The following MYO1B variants were observed in gnomAD, a reference collection of about 807,000 sequenced individuals.
MYO1B encodes the protein unconventional myosin-Ib.
A neutral mutation model predicts 159.7 loss-of-function variants in MYO1B; 72 were observed. The ratio of observed to expected loss-of-function variants is 0.45; its 90% confidence interval spans 0.37 to 0.55. The LOEUF is 0.55. MYO1B is among the 20% of genes least tolerant of loss of function. The pLI, the probability that MYO1B is intolerant of heterozygous loss-of-function variation, is 0.00. For synonymous variants in MYO1B, 468 were observed against 473.8 expected (o/e 0.99, Z 0.16); for missense variants, 1,062 against 1,364.8 (o/e 0.78, Z 3.50).
chr2:191,262,609 GCTTC>G (rs1273008657), intron 1 of MYO1B, among the ~76,000 whole-genome samples: 4 of 151,170 alleles, frequency 2.6e-5, no homozygotes, highest in African/African-American at 4.9e-5. Flanking sequence ...GCTATGTAAT[GCTTC>G]TCTCTCCCCG....
intron 3 of MYO1B, among the ~76,000 whole-genome samples, chr2:191,300,121 A>G (rs1449300420): frequency 1.3e-5 from 2 of 152,144 alleles, no homozygotes; most frequent in Non-Finnish European, 2.9e-5. Context: ...GTCAATGCTA[A>G]CTTGGTTCCC....
chr2:191,397,069 C>T (rs962698416), intron 21 of MYO1B, among the ~76,000 whole-genome samples: 10 of 133,476 alleles, frequency 7.5e-5, no homozygotes, highest in Non-Finnish European at 1.2e-4. Flanking sequence ...AACCTGCAAG[C>T]TAAGAATGGT....
intron 5 of MYO1B, among the ~76,000 whole-genome samples, chr2:191,344,536 G>T (rs934633418): frequency 6.6e-6 from 1 of 152,094 alleles, no homozygotes; most frequent in Non-Finnish European, 1.5e-5. Flanking sequence ...ATCTTTTTAA[G>T]AATCAAAAAC....
chr2:191,279,855 T>C (rs777661573), intron 2 of MYO1B, among the ~76,000 whole-genome samples: 8 of 152,202 alleles, frequency 5.3e-5, no homozygotes, highest in Non-Finnish European at 1.0e-4. Context: ...TGTGAGCATA[T>C]TGAACAGTAA....
chr2:191,319,181 T>C (rs1025276050), intron 3 of MYO1B, among the ~76,000 whole-genome samples: 1 of 152,156 alleles, frequency 6.6e-6, no homozygotes, highest in Admixed American at 6.5e-5. Flanking sequence ...ACCATAAACA[T>C]AAGCAATCTC....
intron 2 of MYO1B, among the ~76,000 whole-genome samples, chr2:191,293,439 T>G (rs1688800049): frequency 6.6e-6 from 1 of 152,158 alleles, no homozygotes; most frequent in African/African-American, 2.4e-5. Flanking sequence ...TGAGTTTATA[T>G]GGTAAAGTGA....
intron 3 of MYO1B, among the ~76,000 whole-genome samples, chr2:191,315,064 G>A (rs1180451861): frequency 6.6e-6 from 1 of 152,040 alleles, no homozygotes; most frequent in East Asian, 1.9e-4. Context: ...AAAATTATCT[G>A]GGCAAATTTT....
At chr2:191,290,430 A>G (rs529699532) in intron 2 of MYO1B, among the ~76,000 whole-genome samples, 8 of 152,348 alleles carry the variant, frequency 5.3e-5, no homozygotes, top group Admixed American at 2.0e-4. Context: ...GTGTAGCACA[A>G]TTTTTTAAAC....
At chr2:191,400,948 C>G in intron 23 of MYO1B, 113 bp downstream of exon 23, 1 of 983,454 alleles carries the variant, frequency 1.0e-6, no homozygotes, top group East Asian at 2.6e-5. Context: ...CACACTGGTG[C>G]ATGTCCTAGC....
intron 23 of MYO1B, among the ~76,000 whole-genome samples, 151 bp downstream of exon 23, chr2:191,400,986 T>C (rs115149685): frequency 0.053 from 8,051 of 152,244 alleles, 376 homozygotes; most frequent in African/African-American, 0.12. Context: ...CTGGAAACAT[T>C]AGTTCAGTAG....
At chr2:191,328,784 G>A (rs1428861910) in intron 3 of MYO1B, among the ~76,000 whole-genome samples, 1 of 151,950 alleles carries the variant, frequency 6.6e-6, no homozygotes, top group East Asian at 1.9e-4. Context: ...ATGATGTTTT[G>A]GCCTTTATTT....
rs56314410 is a variant in MYO1B, at chr2:191,390,524, A to T, written c.1982+32A>T. The stretch of plus-strand genomic sequence containing the variant: ...AATTCAGTGACCATATTTAATAATG[A>T]ATGTTTTAAGTGGTCAAATAATACG... On this transcript the variant is annotated intron_variant, in intron 18 of 30. Transcript: ENST00000392318. 4,708 of 1,596,936 alleles carry T rather than the reference A, an allele frequency of 2.9e-3. 118 individuals are homozygous for T. In the African/African-American group the frequency reaches 0.055, roughly 19 times the overall value.
intron 5 of MYO1B, among the ~76,000 whole-genome samples, chr2:191,345,519 G>T (rs1261986010): frequency 2.0e-5 from 3 of 152,258 alleles, no homozygotes; most frequent in South Asian, 2.1e-4. Flanking sequence ...GTTCTTAAAC[G>T]CTCTCATTTA....
chr2:191,333,192 A>G (rs1441996770), intron 4 of MYO1B, among the ~76,000 whole-genome samples: 1 of 152,132 alleles, frequency 6.6e-6, no homozygotes, highest in Non-Finnish European at 1.5e-5. Flanking sequence ...GGCAGTCTCA[A>G]CTATTTTCCA....
chr2:191,345,317 G>C (rs1692495935), intron 5 of MYO1B, among the ~76,000 whole-genome samples: 1 of 152,210 alleles, frequency 6.6e-6, no homozygotes, highest in African/African-American at 2.4e-5. Flanking sequence ...GGCTTCCAGA[G>C]TGTCAAACAG....
intron 2 of MYO1B, among the ~76,000 whole-genome samples, chr2:191,280,047 C>G (rs971862091): frequency 1.3e-5 from 2 of 152,118 alleles, no homozygotes; most frequent in African/African-American, 4.8e-5. Context: ...CCTCCCTCCC[C>G]CAACATATTT....
chr2:191,401,617 T>G (rs1475999956), intron 23 of MYO1B: 2 of 152,192 alleles, frequency 1.3e-5, no homozygotes, highest in Non-Finnish European at 2.9e-5. Flanking sequence ...AACACAAACA[T>G]CAACAGAGTC....
intron 2 of MYO1B, among the ~76,000 whole-genome samples, chr2:191,285,384 A>C (rs1270813033): frequency 1.3e-5 from 2 of 152,178 alleles, no homozygotes; most frequent in African/African-American, 4.8e-5. Context: ...ATATGATGGT[A>C]GTGTAGGCAC....
intron 18 of MYO1B, among the ~76,000 whole-genome samples, chr2:191,391,674 C>T (rs753516386): frequency 3.3e-5 from 5 of 152,104 alleles, no homozygotes; most frequent in Admixed American, 6.6e-5. Context: ...CTTAGCGTCC[C>T]GTTGGTCTGG....
Sources: allele counts gnomAD v4.1 joint callset (sites outside exome capture counted in the v4.1 genomes callset), GRCh38; gene constraint gnomAD v4.1.1; transcripts MANE v1.5; gene names NCBI Gene and HGNC (gene_info 2026-07-23, HGNC 2026-07-21).